Variants in XXYLT1 observed in about 807,000 individuals in gnomAD.
XXYLT1 encodes the protein UDP-xylose:alpha-xyloside alpha-1,3-xylosyltransferase.
XXYLT1 carries 20 observed loss-of-function variants against 28.9 expected under a neutral mutation model. That is an observed-to-expected ratio of 0.69 (90% CI 0.49 to 1.00). The LOEUF (loss-of-function observed/expected upper bound fraction) is 1.00. XXYLT1 is among the 50% of genes least tolerant of loss of function. The pLI, the probability that XXYLT1 is intolerant of heterozygous loss-of-function variation, is 0.00. For synonymous variants in XXYLT1, 257 were observed against 253.8 expected, an observed-to-expected ratio of 1.01 and a Z score of -0.12; for missense variants, 542 against 560.1, an observed-to-expected ratio of 0.97 and a Z score of 0.33.
chr3:195,176,432 C>A lies in XXYLT1; in HGVS notation c.653-19851G>T, dbSNP rs542775576. Among the ~76,000 whole-genome samples, 6 of 152,278 alleles carry A rather than the reference C, an allele frequency of 3.9e-5. No individual in the cohort carries two copies. The East Asian group carries it at 1.2e-3, about 29-fold the overall frequency. ...TCTGATCCTCTGTGATCACACTTCT[C>A]CCCCATGATCTGAAAAGAACTGGTA... On this transcript the variant is annotated intron_variant, in intron 2 of 3. Coordinates refer to ENST00000310380, the MANE Select transcript of XXYLT1 (RefSeq NM_152531.5). The surrounding 1 kb of genome is among the most constrained non-coding windows in gnomAD (Gnocchi z 4.9).
intron 1 of XXYLT1, among the ~76,000 whole-genome samples, chr3:195,233,226 T>C (rs146573180): frequency 2.6e-5 from 4 of 152,376 alleles, no homozygotes; most frequent in African/African-American, 9.6e-5. Flanking sequence ...GAAATATCTT[T>C]TGCCATACCT....
intron 3 of XXYLT1, among the ~76,000 whole-genome samples, chr3:195,128,940 G>A (rs148447843): frequency 9.2e-5 from 14 of 152,292 alleles, no homozygotes; most frequent in East Asian, 3.9e-4. Context: ...TAGTAGAACC[G>A]TCTTGTCCCA....
At chr3:195,208,727 A>C (rs1369194132) in intron 2 of XXYLT1, among the ~76,000 whole-genome samples, 1 of 152,178 alleles carries the variant, frequency 6.6e-6, no homozygotes, top group Non-Finnish European at 1.5e-5. Context: ...AGCTACCCCT[A>C]ATAAACCCTC....
intron 3 of XXYLT1, among the ~76,000 whole-genome samples, chr3:195,098,209 G>A (rs922567620): frequency 6.6e-6 from 1 of 152,174 alleles, no homozygotes; most frequent in South Asian, 2.1e-4. Context: ...GGTGGTGATG[G>A]TTGTACAACA....
intron 1 of XXYLT1, among the ~76,000 whole-genome samples, chr3:195,266,676 T>G (rs563942448): frequency 3.3e-5 from 5 of 152,152 alleles, no homozygotes; most frequent in Non-Finnish European, 7.4e-5. Flanking sequence ...GAGGACAGGA[T>G]GCCTGAACTG....
At chr3:195,112,596 CGCAT>C (rs1310202470) in intron 3 of XXYLT1, among the ~76,000 whole-genome samples, 1 of 141,942 alleles carries the variant, frequency 7.0e-6, no homozygotes, top group East Asian at 2.0e-4. Flanking sequence ...CACACACACA[CGCAT>C]GCACACACAC....
At chr3:195,148,550 C>T (rs910220516) in intron 3 of XXYLT1, among the ~76,000 whole-genome samples, 2 of 152,160 alleles carry the variant, frequency 1.3e-5, no homozygotes, top group South Asian at 2.1e-4. Flanking sequence ...TACATTTATG[C>T]ATCTCGTAAT....
In XXYLT1 at chr3:195,150,187, A is replaced by G. The variant is rs907263936; in HGVS notation, c.785+6262T>C. ...GTGCTGCTCGTGCTAGGCACCATAA[A>G]TACATTATCTGATTCAATCTCCCTC... On this transcript the variant is annotated intron_variant, in intron 3 of 3. Transcript: ENST00000310380. The surrounding 1 kb of genome is among the most constrained non-coding windows in gnomAD (Gnocchi z 4.7). Among the ~76,000 whole-genome samples the G allele has an allele frequency of 1.1e-4, 17 of 152,204 alleles. No homozygotes were observed. Among genetic ancestry groups the G allele is most frequent in the Non-Finnish European group, 1.9e-4 (13 of 68,028 alleles).
intron 3 of XXYLT1, among the ~76,000 whole-genome samples, chr3:195,130,102 C>A (rs1292643307): frequency 6.6e-6 from 1 of 152,156 alleles, no homozygotes; most frequent in East Asian, 1.9e-4. Context: ...GCTTTTTAGC[C>A]ATTTGAATGT....
chr3:195,138,101 T>C (rs950150413), intron 3 of XXYLT1, among the ~76,000 whole-genome samples: 2 of 152,200 alleles, frequency 1.3e-5, no homozygotes, highest in African/African-American at 2.4e-5. Flanking sequence ...TCAACCTCAA[T>C]GACAGAAACT....
intron 3 of XXYLT1, among the ~76,000 whole-genome samples, chr3:195,119,010 G>A (rs1484728191): frequency 6.6e-6 from 1 of 152,088 alleles, no homozygotes; most frequent in Non-Finnish European, 1.5e-5. Flanking sequence ...AGGCGCGGTG[G>A]CTCATGCCTG....
intron 3 of XXYLT1, among the ~76,000 whole-genome samples, chr3:195,075,279 G>T (rs1049601479): frequency 6.6e-6 from 1 of 152,082 alleles, no homozygotes; most frequent in African/African-American, 2.4e-5. Flanking sequence ...TGTTCCTAAC[G>T]TCACACAGGC....
Position 195,176,384 on chromosome 3 carries a change from T to C in XXYLT1, c.653-19803A>G, listed in dbSNP as rs1047208927. On this transcript the variant is annotated intron_variant, in intron 2 of 3. Coordinates refer to ENST00000310380, the MANE Select transcript of XXYLT1 (RefSeq NM_152531.5). The surrounding 1 kb of genome is among the most constrained non-coding windows in gnomAD (Gnocchi z 4.9). ...CTGGGTAGAGGAGGGGTGTGTAGAA[T>C]GCTTAAATCCCCTCCCAGTAATTCT... Among the ~76,000 whole-genome samples, 1 of 152,128 alleles carries C rather than the reference T, an allele frequency of 6.6e-6. No homozygotes were observed. Among genetic ancestry groups the C allele is most frequent in the African/African-American group, 2.4e-5 (1 of 41,404 alleles).
intron 2 of XXYLT1, among the ~76,000 whole-genome samples, chr3:195,190,237 G>A (rs966595783): frequency 6.6e-6 from 1 of 152,154 alleles, no homozygotes; most frequent in African/African-American, 2.4e-5. Flanking sequence ...GCTCATGCCT[G>A]TAATCCCAGC....
At position 195,129,133 on chromosome 3, in the gene XXYLT1, C is replaced by T. The variant is rs952033849; in HGVS notation, c.785+27316G>A. Among the ~76,000 whole-genome samples the T allele has an allele frequency of 2.0e-5, 3 of 152,142 alleles. No homozygotes were observed. Among genetic ancestry groups the T allele is most frequent in the South Asian group, 2.1e-4 (1 of 4,826 alleles). On this transcript the variant is annotated intron_variant, in intron 3 of 3. Transcript: ENST00000310380. The surrounding 1 kb of genome is among the most constrained non-coding windows in gnomAD (Gnocchi z 4.4). ...AAAATATTGTGTGGGGGGAAGGTCG[C>T]GGCTAACATAGAGAGGGACAGCAGA...
rs538608342 is a variant in XXYLT1, at chr3:195,257,590, G to A, written c.504+12965C>T. On this transcript the variant is annotated intron_variant, in intron 1 of 3. Coordinates refer to ENST00000310380, the MANE Select transcript of XXYLT1 (RefSeq NM_152531.5). The surrounding 1 kb of genome is among the most constrained non-coding windows in gnomAD (Gnocchi z 4.3). ...ACAACCCCAGGCAGTCCAGCCAGGT[G>A]GATCACCATGGCAGCCAGGTACATC... 7.9e-5 allele frequency among the ~76,000 whole-genome samples: 12 copies of A among 152,306 alleles called. No homozygotes were observed. The highest frequency in any genetic ancestry group is 5.8e-4 in the East Asian group (3 of 5,180).
At position 195,256,458 on chromosome 3, in the gene XXYLT1, C is replaced by T. The variant is rs1725482837; in HGVS notation, c.504+14097G>A. On this transcript the variant is annotated intron_variant, in intron 1 of 3. Coordinates refer to ENST00000310380, the MANE Select transcript of XXYLT1 (RefSeq NM_152531.5). This position sits in a 1 kb window ranked among gnomAD's most constrained non-coding sequence, Gnocchi z 4.2. ...CACAGGGCAGGGCCCGAGAAACGAA[C>T]CAGTACCTCCCAGAGGACGGAAGGG... The T allele has an allele frequency of 1.0e-6, 1 of 984,994 alleles. No homozygotes were observed. The highest frequency in any genetic ancestry group is 1.2e-6 in the Non-Finnish European group (1 of 829,558). 61.0% of individuals were successfully genotyped at this position (984,994 alleles called of 1,614,324 possible).
chr3:195,106,741 T>C (rs1377740272), intron 3 of XXYLT1, among the ~76,000 whole-genome samples: 1 of 152,220 alleles, frequency 6.6e-6, no homozygotes, highest in Non-Finnish European at 1.5e-5. Context: ...CTTCCACACT[T>C]CTTTCACCAC....
chr3:195,088,408 C>T (rs190221376), intron 3 of XXYLT1, among the ~76,000 whole-genome samples: 6,304 of 145,756 alleles, frequency 0.043, 677 homozygotes, highest in African/African-American at 0.14. Flanking sequence ...CTGGGAGGCA[C>T]CCCCCAGCGG....
Sources: allele counts gnomAD v4.1 joint callset (sites outside exome capture counted in the v4.1 genomes callset), GRCh38; gene constraint gnomAD v4.1.1; non-coding constraint Gnocchi (gnomAD v3.1); transcripts MANE v1.5; gene names NCBI Gene and HGNC (gene_info 2026-07-23, HGNC 2026-07-21).